The following CCDC110 variants were observed in gnomAD, a reference collection of about 807,000 sequenced individuals.
CCDC110 encodes the protein coiled-coil domain containing 110, also known as coiled-coil domain-containing protein 110.
In CCDC110, 70 loss-of-function variants were observed where a neutral mutation model predicts 77.1. The ratio of observed to expected loss-of-function variants is 0.91; its 90% CI spans 0.75 to 1.11. CCDC110 has a LOEUF of 1.11. Ranked by LOEUF, CCDC110 falls within the 50% of genes least tolerant of loss-of-function variation. The probability of loss-of-function intolerance (pLI) is 0.00; values close to 1 mark genes in which losing one functional copy is unlikely to be tolerated. For missense variants in CCDC110, 868 were observed against 942.9 expected (o/e 0.92, Z 1.04); for synonymous variants, 295 against 312.5 (o/e 0.94, Z 0.59).
Position 185,445,298 on chromosome 4 carries a change from G to T in CCDC110, c.*204C>A. Reference sequence around the variant, plus strand: ...GTACAGGTACCTGCCCTCCCTTGTAGAAGTTCTCCCCCATCTTCTGAAATT... The same window carrying T: ...GTACAGGTACCTGCCCTCCCTTGTATAAGTTCTCCCCCATCTTCTGAAATT... On this transcript the variant is annotated 3_prime_UTR_variant, in exon 7 of 7. Coordinates refer to ENST00000307588, the MANE Select transcript of CCDC110 (RefSeq NM_152775.4). 1.4e-6 allele frequency: 1 copy of T among 714,682 alleles called. No individual in the cohort carries two copies. 44.3% of individuals were successfully genotyped at this position (714,682 alleles called of 1,614,324 possible).
intron 2 of CCDC110, among the ~76,000 whole-genome samples, chr4:185,464,595 C>T (rs1238858321): frequency 6.6e-6 from 1 of 152,204 alleles, no homozygotes; most frequent in African/African-American, 2.4e-5. Flanking sequence ...GTAACCTCTT[C>T]TAATGAACTT....
At chr4:185,457,202 A>C (rs1287537506) in intron 6 of CCDC110, 3 of 454,640 alleles carry the variant, frequency 6.6e-6, no homozygotes, top group South Asian at 4.7e-5. Context: ...GAATTCAACA[A>C]GGAATATTTG....
Position 185,458,345 on chromosome 4 carries a change from T to G in CCDC110, c.2242A>C (p.Asn748His). ...TCATTTTCTATGCTTCTTACGTAAT[T>G]TTCTAAAAGTATTTTGTCTTCAGTA... ...RLTEDKILLE[N>H]YVRSIENERD... Residue 748 changes from asparagine to histidine, a missense_variant, in exon 6 of 7, where the codon AAT becomes CAT. Asn to His is a moderately conservative substitution (Grantham distance 68). Transcript: ENST00000307588. 3 of 1,586,928 alleles carry G rather than the reference T, an allele frequency of 1.9e-6. No homozygotes were observed. Among genetic ancestry groups the G allele is most frequent in the Non-Finnish European group, 2.6e-6 (3 of 1,172,068 alleles).
rs77987360 is a variant in CCDC110, at chr4:185,459,889, C to T, written c.698G>A (p.Gly233Glu). ...AATGTCATCTAAATTTTCACAAAAT[C>T]CATGCTTGAGAAAAGGCACAGTAAT... ...SKITVPFLKHGFCENLDDICH... is the reference protein window; with the variant it reads ...SKITVPFLKHEFCENLDDICH... Residue 233 changes from glycine to glutamate, a missense_variant, in exon 6 of 7, where the codon GGA becomes GAA. Coordinates refer to ENST00000307588, the MANE Select transcript of CCDC110 (RefSeq NM_152775.4). 952 of 1,613,758 alleles carry T rather than the reference C, an allele frequency of 5.9e-4. 6 individuals carry two copies. In the African/African-American group the frequency reaches 0.011, roughly 19 times the overall value.
Position 185,471,047 on chromosome 4 carries a change from T to C in CCDC110, c.13A>G (p.Lys5Glu), listed in dbSNP as rs2095665318. ...ACTTCATCCTCTTCCCGGTGCTGCTTTTCTGTAACAGAACCGTCCGGGGCT... is the reference window on the plus strand; with the variant it reads ...ACTTCATCCTCTTCCCGGTGCTGCTCTTCTGTAACAGAACCGTCCGGGGCT... MSPE[K>E]QHREEDEVDS... Residue 5 changes from lysine to glutamate, a missense_variant and splice_region_variant, in exon 2 of 7, where the codon AAG becomes GAG. By Grantham distance (56) the Lys-to-Glu change is moderately conservative. Coordinates refer to ENST00000307588, the MANE Select transcript of CCDC110 (RefSeq NM_152775.4). 2.6e-6 allele frequency: 4 copies of C among 1,561,774 alleles called. No individual in the cohort carries two copies. Among genetic ancestry groups the C allele is most frequent in the Non-Finnish European group, 3.4e-6 (4 of 1,161,096 alleles).
At chr4:185,471,641 T>C in intron 1 of CCDC110, 33 bp downstream of exon 1, 1 of 1,551,992 alleles carries the variant, frequency 6.4e-7, no homozygotes, top group South Asian at 1.2e-5. Flanking sequence ...TTCCCGCGGC[T>C]CCCCTAGGAG....
chr4:185,459,938 T>C lies in CCDC110; in HGVS notation c.649A>G (p.Thr217Ala). The C allele has an allele frequency of 6.2e-7, 1 of 1,613,856 alleles. No homozygotes were observed. The highest frequency in any genetic ancestry group is 8.5e-7 in the Non-Finnish European group (1 of 1,179,862). Residue 217 changes from threonine (T) to alanine (A), a missense_variant, in exon 6 of 7, where the codon ACA (threonine) becomes GCA (alanine). Physicochemically the swap from Thr to Ala is moderately conservative, Grantham distance 58. Transcript: ENST00000307588. ...ATTTTGGATTTATCCAGAATTACTG[T>C]ATCAGCTTGAGACATCACATTTGGA... ...APPNVMSQAD[T>A]VILDKSKITV...
intron 6 of CCDC110, chr4:185,452,197 T>C: frequency 1.0e-6 from 1 of 985,336 alleles, no homozygotes. Context: ...GCCATGACAC[T>C]GGCGTCCTCT....
chr4:185,471,493 C>A, intron 1 of CCDC110, 181 bp downstream of exon 1: 1 of 614,930 alleles, frequency 1.6e-6, no homozygotes. Flanking sequence ...TAAGCCACAG[C>A]GGACGCAGGG....
intron 2 of CCDC110, among the ~76,000 whole-genome samples, chr4:185,464,104 T>G (rs1359578067): frequency 1.3e-5 from 2 of 152,102 alleles, no homozygotes; most frequent in Non-Finnish European, 2.9e-5. Context: ...TATTAAAGAG[T>G]GTATTCATAA....
At position 185,455,849 on chromosome 4, in the gene CCDC110, C is replaced by T. The variant is rs189883480; in HGVS notation, c.2461+2277G>A. On this transcript the variant is annotated intron_variant, in intron 6 of 6. Coordinates refer to ENST00000307588, the MANE Select transcript of CCDC110 (RefSeq NM_152775.4). ...AGTGAGCTGAGATTGTTCCATTGCACTCCAGCCCGGGCTGACAACAGTGAG... is the reference window on the plus strand; with the variant it reads ...AGTGAGCTGAGATTGTTCCATTGCATTCCAGCCCGGGCTGACAACAGTGAG... 1.9e-4 allele frequency among the ~76,000 whole-genome samples: 29 copies of T among 151,956 alleles called. 1 individual carries two copies. The highest frequency in any genetic ancestry group is 1.6e-3 in the Admixed American group (25 of 15,270).
At position 185,459,745 on chromosome 4, in the gene CCDC110, T is replaced by C; in HGVS notation, c.842A>G (p.Tyr281Cys). Residue 281 changes from tyrosine (Y) to cysteine (C), a missense_variant, in exon 6 of 7, where the codon TAT becomes TGT. Tyr to Cys is a radical substitution (Grantham distance 194). Transcript: ENST00000307588. ...ATCCTGGTGAATAGGGGACATGTCATATTTACCATTCCTGTGAACATCTGG... is the reference window on the plus strand; with the variant it reads ...ATCCTGGTGAATAGGGGACATGTCACATTTACCATTCCTGTGAACATCTGG... ...TDPDVHRNGK[Y>C]DMSPIHQDKM... is the part of the protein sequence containing the mutation. 6.2e-7 allele frequency: 1 copy of C among 1,613,756 alleles called. No homozygotes were observed. Among genetic ancestry groups the C allele is most frequent in the African/African-American group, 1.3e-5 (1 of 75,052 alleles).
At chr4:185,465,257 G>T (rs28564799) in intron 2 of CCDC110, among the ~76,000 whole-genome samples, 17,190 of 152,174 alleles carry the variant, frequency 0.11, 1,091 homozygotes, top group Middle Eastern at 0.21. Flanking sequence ...TTTCTGTACA[G>T]ATTTCCTTTC....
At chr4:185,447,186 C>CT (rs11352180) in intron 6 of CCDC110, among the ~76,000 whole-genome samples, 69 of 139,652 alleles carry the variant, frequency 4.9e-4, no homozygotes, top group African/African-American at 1.2e-3. Context: ...TATATTTTTT[C>CT]TTTTTTTTTT....
chr4:185,467,579 C>T (rs2095658568), intron 2 of CCDC110, among the ~76,000 whole-genome samples: 2 of 152,156 alleles, frequency 1.3e-5, no homozygotes, highest in African/African-American at 4.8e-5. Context: ...TATTACTCAT[C>T]TCATATTCAA....
chr4:185,466,252 G>A (rs1255784028), intron 2 of CCDC110, among the ~76,000 whole-genome samples: 1 of 152,112 alleles, frequency 6.6e-6, no homozygotes. Context: ...GCATGTGCCT[G>A]TAATCCCAGC....
intron 1 of CCDC110, 92 bp downstream of exon 1, chr4:185,471,582 G>T: frequency 7.1e-7 from 1 of 1,414,412 alleles, no homozygotes; most frequent in Non-Finnish European, 9.6e-7. Context: ...GGATGTCCCG[G>T]GTTTTCGAGC....
Position 185,456,852 on chromosome 4 carries a change from A to G in CCDC110, c.2461+1274T>C, listed in dbSNP as rs544872300. 3.7e-3 allele frequency among the ~76,000 whole-genome samples: 564 copies of G among 152,302 alleles called. 5 individuals carry two copies. Among genetic ancestry groups the G allele is most frequent in the African/African-American group, 0.012 (512 of 41,572 alleles). On this transcript the variant is annotated intron_variant, in intron 6 of 6. Transcript: ENST00000307588. ...GTATTACATATTTAAATATTTAAGG[A>G]AGGAATAATATTAATAATACCAATC...
rs767520981 is a variant in CCDC110 at position 185,471,038 on chromosome 4, G to A, written c.22C>T (p.Arg8Trp). 6.3e-7 allele frequency: 1 copy of A among 1,590,592 alleles called. No homozygotes were observed. The change falls in exon 2 of 7, where the codon CGG becomes TGG. Residue 8 changes from arginine to tryptophan, a missense_variant. Coordinates refer to ENST00000307588, the MANE Select transcript of CCDC110 (RefSeq NM_152775.4). MSPEKQH[R>W]EEDEVDSVLL... is the part of the protein sequence containing the mutation. Reference sequence around the variant, plus strand: ...ACGGAGTCAACTTCATCCTCTTCCCGGTGCTGCTTTTCTGTAACAGAACCG... The same window carrying A: ...ACGGAGTCAACTTCATCCTCTTCCCAGTGCTGCTTTTCTGTAACAGAACCG...
Sources: allele counts gnomAD v4.1 joint callset (sites outside exome capture counted in the v4.1 genomes callset), GRCh38; gene constraint gnomAD v4.1.1; transcripts MANE v1.5; gene names NCBI Gene and HGNC (gene_info 2026-07-23, HGNC 2026-07-21).